Variants in AKAP6 observed in about 807,000 individuals in gnomAD.
AKAP6 encodes the protein A-kinase anchor protein 6.
Under a neutral mutation model 188.5 loss-of-function variants are expected in AKAP6, and 58 were observed. The observed-to-expected ratio is 0.31, with a 90% CI of 0.25 to 0.38. The LOEUF is 0.38. AKAP6 is among the 10% of genes least tolerant of loss of function. The probability of loss-of-function intolerance (pLI) is 1.00; values close to 1 mark genes in which losing one functional copy is unlikely to be tolerated. For synonymous variants in AKAP6, 989 were observed against 998.6 expected, an observed-to-expected ratio of 0.99 and a Z score of 0.18; for missense variants, 2,710 against 2,740.0, an observed-to-expected ratio of 0.99 and a Z score of 0.24.
chr14:32,532,349 T>C (rs1232833281), intron 2 of AKAP6, among the ~76,000 whole-genome samples: 1 of 152,190 alleles, frequency 6.6e-6, no homozygotes, highest in Non-Finnish European at 1.5e-5. Context: ...TCTGCTTCTG[T>C]GGGAATGGGG....
chr14:32,652,544 C>T (rs1250333929), intron 7 of AKAP6, among the ~76,000 whole-genome samples: 2 of 152,118 alleles, frequency 1.3e-5, no homozygotes, highest in African/African-American at 4.8e-5. Context: ...AAGGAAATTC[C>T]ATCCATTATA....
At chr14:32,472,849 C>T (rs147350664) in intron 2 of AKAP6, among the ~76,000 whole-genome samples, 305 of 151,626 alleles carry the variant, frequency 2.0e-3, no homozygotes, top group Middle Eastern at 6.8e-3. Flanking sequence ...ATATTGGGAA[C>T]TTAAAGGTCG....
intron 1 of AKAP6, among the ~76,000 whole-genome samples, chr14:32,408,876 A>G (rs763693069): frequency 2.6e-5 from 4 of 152,138 alleles, no homozygotes; most frequent in Non-Finnish European, 4.4e-5. Flanking sequence ...TGGCATGATT[A>G]GTTGATATAA....
In AKAP6 at chr14:32,813,396, C is replaced by G. The variant is rs578048778; in HGVS notation, c.3589-8006C>G. On this transcript the variant is annotated intron_variant, in intron 12 of 13. Coordinates refer to ENST00000280979, the MANE Select transcript of AKAP6 (RefSeq NM_004274.5). Reference sequence around the variant, plus strand: ...GTTTTCATCTCTAACCCTACCCCCCCCCCCAACCCCTTTCCCAGAGGTCCT... The same window carrying G: ...GTTTTCATCTCTAACCCTACCCCCCGCCCCAACCCCTTTCCCAGAGGTCCT... Among the ~76,000 whole-genome samples the G allele has an allele frequency of 1.7e-3, 213 of 121,912 alleles. 12 individuals are homozygous for G. Among genetic ancestry groups the G allele is most frequent in the South Asian group, 8.2e-3 (21 of 2,566 alleles). 80.0% of individuals were successfully genotyped at this position (121,912 alleles called of 152,430 possible).
intron 12 of AKAP6, among the ~76,000 whole-genome samples, chr14:32,778,694 T>C (rs1194285809): frequency 1.4e-5 from 2 of 147,608 alleles, no homozygotes; most frequent in East Asian, 4.1e-4. Context: ...TACAGGAGCA[T>C]GCCAGCATAC....
At chr14:32,680,390 A>G (rs1229446031) in intron 8 of AKAP6, among the ~76,000 whole-genome samples, 1 of 152,206 alleles carries the variant, frequency 6.6e-6, no homozygotes, top group East Asian at 1.9e-4. Flanking sequence ...CCACAGTCAA[A>G]TCCTTAATTC....
At chr14:32,746,130 G>C (rs760338630) in intron 11 of AKAP6, among the ~76,000 whole-genome samples, 1 of 152,044 alleles carries the variant, frequency 6.6e-6, no homozygotes, top group African/African-American at 2.4e-5. Context: ...CTGGAATTGG[G>C]GACCCCAAGA....
intron 11 of AKAP6, among the ~76,000 whole-genome samples, chr14:32,763,122 T>C (rs2032595237): frequency 6.6e-6 from 1 of 152,136 alleles, no homozygotes; most frequent in Non-Finnish European, 1.5e-5. Context: ...GAAATATGCT[T>C]GGTGAACCAA....
intron 1 of AKAP6, among the ~76,000 whole-genome samples, chr14:32,430,996 C>CT (rs1294381368): frequency 5.9e-5 from 9 of 151,790 alleles, no homozygotes; most frequent in Admixed American, 5.3e-4. Context: ...ACCCAGCTAC[C>CT]TGGGGGGTTG....
At chr14:32,604,323 C>T (rs771263988) in intron 7 of AKAP6, among the ~76,000 whole-genome samples, 80 of 152,180 alleles carry the variant, frequency 5.3e-4, no homozygotes, top group Non-Finnish European at 9.1e-4. Flanking sequence ...CATGATTGAG[C>T]CAGCAAAACC....
At chr14:32,744,368 G>C (rs1594902336) in intron 11 of AKAP6, among the ~76,000 whole-genome samples, 1 of 151,826 alleles carries the variant, frequency 6.6e-6, no homozygotes, top group East Asian at 1.9e-4. Flanking sequence ...CCAGGCTAGA[G>C]TGCAGTGGCA....
In AKAP6 at chr14:32,639,183, A is replaced by G. The variant is rs529361816; in HGVS notation, c.2730+38391A>G. Among the ~76,000 whole-genome samples, 3 of 152,302 alleles carry G rather than the reference A, an allele frequency of 2.0e-5. No homozygotes were observed. In the South Asian group the frequency reaches 6.2e-4, roughly 32 times the overall value. ...TTAGGAATAAGCCCTGAAGATGATT[A>G]AAGGAGTTATAGATGATTCAGAAGT... On this transcript the variant is annotated intron_variant, in intron 7 of 13. Coordinates refer to ENST00000280979, the MANE Select transcript of AKAP6 (RefSeq NM_004274.5).
At chr14:32,475,569 A>G (rs1879019746) in intron 2 of AKAP6, among the ~76,000 whole-genome samples, 1 of 152,202 alleles carries the variant, frequency 6.6e-6, no homozygotes, top group Admixed American at 6.5e-5. Flanking sequence ...TGGAAGATCG[A>G]GCAAAACCAG....
At chr14:32,705,810 T>A (rs1435505064) in intron 9 of AKAP6, among the ~76,000 whole-genome samples, 1 of 152,172 alleles carries the variant, frequency 6.6e-6, no homozygotes, top group Non-Finnish European at 1.5e-5. Context: ...CTGCTTGGCA[T>A]TGTCCTCACT....
rs758421628 is a variant in AKAP6, at chr14:32,733,246, A to G, written c.3147+646A>G. ...CAAGAATCTGGCAAAAAGGCAATATAGAGATTCTGTTACCCAGAGACCAGG... is the reference window on the plus strand; with the variant it reads ...CAAGAATCTGGCAAAAAGGCAATATGGAGATTCTGTTACCCAGAGACCAGG... On this transcript the variant is annotated intron_variant, in intron 10 of 13. Coordinates refer to ENST00000280979, the MANE Select transcript of AKAP6 (RefSeq NM_004274.5). 2.5e-3 allele frequency: 381 copies of G among 154,794 alleles called. 1 individual carries two copies. The highest frequency in any genetic ancestry group is 6.0e-3 in the Admixed American group (95 of 15,706). The allele number at this position is 154,794 out of a possible 1,614,324, so 9.6% of individuals were successfully genotyped here.
rs553838311 is a variant in AKAP6 at position 32,702,029 on chromosome 14, T to C, written c.3000+5919T>C. ...TGAATGTTACATCTCTACCCTGATG[T>C]TCAAAATGAAACAAATTACAGTTAT... On this transcript the variant is annotated intron_variant, in intron 9 of 13. Coordinates refer to ENST00000280979, the MANE Select transcript of AKAP6 (RefSeq NM_004274.5). Among the ~76,000 whole-genome samples the C allele has an allele frequency of 9.2e-5, 14 of 152,326 alleles. No individual in the cohort carries two copies. In the South Asian group the frequency reaches 2.9e-3, roughly 32 times the overall value.
chr14:32,466,813 C>A (rs1878471627), intron 2 of AKAP6, among the ~76,000 whole-genome samples: 1 of 86,884 alleles, frequency 1.2e-5, no homozygotes, highest in African/African-American at 1.0e-4. Context: ...AAAATATAAG[C>A]TGTAAAAACA....
At chr14:32,697,565 CTTAAGTA>C (rs1386002714) in intron 9 of AKAP6, among the ~76,000 whole-genome samples, 7 of 152,106 alleles carry the variant, frequency 4.6e-5, no homozygotes, top group Admixed American at 3.3e-4. Context: ...ATCCCTAAGA[CTTAAGTA>C]TTAAGAATTG....
chr14:32,577,271 C>T, intron 5 of AKAP6, 29 bp downstream of exon 5: 1 of 1,594,764 alleles, frequency 6.3e-7, no homozygotes, highest in Non-Finnish European at 8.5e-7. Context: ...TTCTTGCTGT[C>T]AATAATCAAA....
Sources: allele counts gnomAD v4.1 joint callset (sites outside exome capture counted in the v4.1 genomes callset), GRCh38; gene constraint gnomAD v4.1.1; transcripts MANE v1.5; gene names NCBI Gene and HGNC (gene_info 2026-07-23, HGNC 2026-07-21).